The following MICU1 variants were observed in gnomAD, a reference collection of about 807,000 sequenced individuals.
The protein encoded by MICU1 is mitochondrial calcium uptake 1, also known as calcium uptake protein 1, mitochondrial.
MICU1 carries 45 observed loss-of-function variants against 56.8 expected under a neutral mutation model. That is an observed-to-expected ratio of 0.79 (90% CI 0.62 to 1.02). The LOEUF (loss-of-function observed/expected upper bound fraction) is 1.02. Ranked by LOEUF, MICU1 falls within the 50% of genes least tolerant of loss-of-function variation. MICU1 has a pLI of 0.00. For synonymous variants in MICU1, 186 were observed against 195.1 expected (o/e 0.95, Z 0.39); for missense variants, 504 against 587.1 (o/e 0.86, Z 1.46).
intron 9 of MICU1, among the ~76,000 whole-genome samples, chr10:72,419,502 G>T (rs1864086817): frequency 6.6e-6 from 1 of 152,200 alleles, no homozygotes; most frequent in South Asian, 2.1e-4. Flanking sequence ...CCACAGCCTG[G>T]TTCAGAGGTC....
At chr10:72,584,544 A>G (rs1257753250) in intron 1 of MICU1, among the ~76,000 whole-genome samples, 2 of 144,292 alleles carry the variant, frequency 1.4e-5, no homozygotes, top group African/African-American at 5.3e-5. Context: ...TAGAGCTTTA[A>G]TAGTTAATAC....
In MICU1 at chr10:72,517,795, T is replaced by A. The variant is rs569279503; in HGVS notation, c.538-9526A>T. Among the ~76,000 whole-genome samples the A allele has an allele frequency of 4.9e-3, 721 of 145,948 alleles. 4 individuals carry two copies. Among genetic ancestry groups the A allele is most frequent in the African/African-American group, 0.019 (693 of 35,834 alleles). ...TGGAAATAAAACTTTTTTTTTTTTTTTAAAGAAAATGTCAAGTAAAATGAT... is the reference window on the plus strand; with the variant it reads ...TGGAAATAAAACTTTTTTTTTTTTTATAAAGAAAATGTCAAGTAAAATGAT... On this transcript the variant is annotated intron_variant, in intron 5 of 11. Coordinates refer to ENST00000361114, the MANE Select transcript of MICU1 (RefSeq NM_001195518.2).
chr10:72,491,496 A>C (rs1866653877), intron 6 of MICU1, among the ~76,000 whole-genome samples: 1 of 152,210 alleles, frequency 6.6e-6, no homozygotes, highest in South Asian at 2.1e-4. Context: ...TCTGTGACAG[A>C]CAAGTGAGCA....
Position 72,531,579 on chromosome 10 carries a change from A to C in MICU1, c.537+2167T>G, listed in dbSNP as rs374736547. 3.3e-5 allele frequency: 5 copies of C among 152,190 alleles called. 1 individual carries two copies. Among genetic ancestry groups the C allele is most frequent in the African/African-American group, 1.2e-4 (5 of 41,520 alleles). 9.4% of individuals were successfully genotyped at this position (152,190 alleles called of 1,614,324 possible). On this transcript the variant is annotated intron_variant, in intron 5 of 11. Transcript: ENST00000361114. ...CTAAAAATAAAAAAATTAGCTGGGC[A>C]TGGTGGTGTGTGCCTGTAATCCCAG...
chr10:72,454,060 T>G (rs972446380), intron 8 of MICU1, among the ~76,000 whole-genome samples: 1 of 151,502 alleles, frequency 6.6e-6, no homozygotes, highest in South Asian at 2.1e-4. Flanking sequence ...GGTCTCAAAC[T>G]TCTGACATCA....
chr10:72,499,777 A>C (rs1866964188), intron 6 of MICU1, among the ~76,000 whole-genome samples: 2 of 152,072 alleles, frequency 1.3e-5, no homozygotes, highest in African/African-American at 4.8e-5. Context: ...TCAATACATC[A>C]CTCGACCTGA....
chr10:72,381,463 C>T (rs890410270), intron 10 of MICU1, among the ~76,000 whole-genome samples: 2 of 152,114 alleles, frequency 1.3e-5, no homozygotes, highest in African/African-American at 4.8e-5. Flanking sequence ...AATACAAATG[C>T]ACATTTTAAC....
intron 6 of MICU1, among the ~76,000 whole-genome samples, chr10:72,505,028 G>C (rs1554882487): frequency 6.6e-6 from 1 of 151,900 alleles, no homozygotes; most frequent in Non-Finnish European, 1.5e-5. Flanking sequence ...CTGGAGTGCA[G>C]TGGAGTGTGA....
At chr10:72,450,960 C>T (rs1351172589) in intron 8 of MICU1, among the ~76,000 whole-genome samples, 1 of 151,270 alleles carries the variant, frequency 6.6e-6, no homozygotes, top group Non-Finnish European at 1.5e-5. Flanking sequence ...AGGTGATCTG[C>T]CTGCCTTGGC....
chr10:72,601,168 T>G (rs899057934), intron 1 of MICU1, among the ~76,000 whole-genome samples: 12 of 152,082 alleles, frequency 7.9e-5, no homozygotes, highest in African/African-American at 2.9e-4. Flanking sequence ...AGACCTGTAA[T>G]CCCAACATTT....
chr10:72,480,254 T>C (rs1023768918), intron 6 of MICU1, among the ~76,000 whole-genome samples: 1 of 152,360 alleles, frequency 6.6e-6, no homozygotes, highest in South Asian at 2.1e-4. Context: ...AATGACAGCA[T>C]GACTGGCTTA....
chr10:72,423,371 ACT>A lies in MICU1; in HGVS notation c.934-2_934-1del. On this transcript the variant is annotated splice_acceptor_variant, in intron 8 of 11. Coordinates refer to ENST00000361114, the MANE Select transcript of MICU1 (RefSeq NM_001195518.2). LOFTEE classifies it high-confidence loss of function. ...CCATCCACAGGGTCATGGCGTTCAA[ACT>A]GGGAGGGAAACAGAAAGAATGTTCC... 6.2e-7 allele frequency: 1 copy of A among 1,613,404 alleles called. No individual in the cohort carries two copies. Among genetic ancestry groups the A allele is most frequent in the Non-Finnish European group, 8.5e-7 (1 of 1,179,658 alleles).
At chr10:72,596,176 G>A (rs190908935) in intron 1 of MICU1, among the ~76,000 whole-genome samples, 10 of 151,956 alleles carry the variant, frequency 6.6e-5, no homozygotes, top group Non-Finnish European at 1.5e-4. Context: ...AGTAGAGATG[G>A]GGTTTCACTG....
intron 5 of MICU1, among the ~76,000 whole-genome samples, chr10:72,523,385 C>T (rs959500927): frequency 7.2e-5 from 11 of 152,220 alleles, no homozygotes; most frequent in Non-Finnish European, 1.0e-4. Context: ...ATCGTCTATA[C>T]GTTATTCTGA....
chr10:72,404,321 G>A (rs1252398252), intron 10 of MICU1, among the ~76,000 whole-genome samples: 3 of 152,162 alleles, frequency 2.0e-5, no homozygotes, highest in African/African-American at 7.2e-5. Context: ...AGCTTCACAA[G>A]CTTACCTTAG....
intron 11 of MICU1, 84 bp from the exon 12 acceptor site, chr10:72,368,439 G>A (rs1342318385): frequency 6.9e-7 from 1 of 1,457,494 alleles, no homozygotes; most frequent in Non-Finnish European, 9.4e-7. Flanking sequence ...CACACAAAGT[G>A]GATTTCAAAG....
chr10:72,433,145 G>A, intron 8 of MICU1, among the ~76,000 whole-genome samples: 1 of 151,250 alleles, frequency 6.6e-6, no homozygotes, highest in African/African-American at 2.4e-5. Context: ...TCACCATGTT[G>A]GCCAGGCTGG....
chr10:72,591,998 A>G (rs1841238616), intron 1 of MICU1, among the ~76,000 whole-genome samples: 1 of 148,720 alleles, frequency 6.7e-6, no homozygotes, highest in Admixed American at 6.7e-5. Context: ...CGACAAAGTG[A>G]GGCCCTGGTT....
intron 1 of MICU1, among the ~76,000 whole-genome samples, chr10:72,620,589 C>T (rs750259858): frequency 6.6e-6 from 1 of 152,034 alleles, no homozygotes; most frequent in Non-Finnish European, 1.5e-5. Context: ...AAATATTACA[C>T]TAAAGTTTCA....
Sources: gnomAD v4.1 joint callset for allele counts (sites outside exome capture counted in the v4.1 genomes callset) on GRCh38, gnomAD v4.1.1 for gene constraint, MANE v1.5 for transcripts, NCBI Gene and HGNC (gene_info 2026-07-23, HGNC 2026-07-21) for gene names.